FRMPD3: variants seen among roughly 807,000 people sequenced by gnomAD.
FRMPD3 encodes FERM and PDZ domain containing 3.
In FRMPD3, 42 loss-of-function variants were observed where a neutral mutation model predicts 97.9. The ratio of observed to expected loss-of-function variants is 0.43; its 90% CI spans 0.34 to 0.55. The LOEUF (loss-of-function observed/expected upper bound fraction) is 0.55, where lower values mean the gene tolerates loss of function less well. FRMPD3 is among the 20% of genes least tolerant of loss of function. FRMPD3 has a pLI of 0.03. For missense variants in FRMPD3, 1,303 were observed against 1,457.7 expected (o/e 0.89, Z 1.73); for synonymous variants, 577 against 581.1 (o/e 0.99, Z 0.10).
At position 107,604,099 on chromosome X, in the gene FRMPD3, A is replaced by G. The variant is rs948341261; in HGVS notation, c.*726A>G. ...GCAAGCATCTGGGATCACCCCACTC[A>G]TTTTGGGTAAGGTACCTGATGAAAA... On this transcript the variant is annotated 3_prime_UTR_variant, in exon 15 of 15. Coordinates refer to ENST00000683843, the MANE Select transcript of FRMPD3 (RefSeq NM_001388459.1). 6 of 108,373 alleles carry G rather than the reference A, an allele frequency of 5.5e-5. No homozygotes were observed. The highest frequency in any genetic ancestry group is 2.0e-4 in the African/African-American group (6 of 29,712). 8.9% of individuals were successfully genotyped at this position (108,373 alleles called of 1,213,427 possible).
intron 12 of FRMPD3, among the ~76,000 whole-genome samples, chrX:107,565,965 C>T: frequency 8.9e-6 from 1 of 112,272 alleles, no homozygotes; most frequent in Admixed American, 9.4e-5. Flanking sequence ...GTGAACAGAA[C>T]AGAGGGGGCC....
chrX:107,537,995 A>G (rs931700535), intron 4 of FRMPD3, among the ~76,000 whole-genome samples: 6 of 111,309 alleles, frequency 5.4e-5, no homozygotes, highest in Non-Finnish European at 7.5e-5. Flanking sequence ...TAATCAGAGG[A>G]TGAAGACGAT....
intron 14 of FRMPD3, among the ~76,000 whole-genome samples, chrX:107,598,600 A>G (rs752409921): frequency 1.8e-5 from 2 of 112,449 alleles, no homozygotes; most frequent in African/African-American, 6.5e-5. Flanking sequence ...TATCCTGCCT[A>G]AGAACATGGG....
Position 107,602,151 on chromosome X carries a change from C to G in FRMPD3, c.4112C>G (p.Ser1371Trp), listed in dbSNP as rs755437325. 1 of 1,209,400 alleles carries G rather than the reference C, an allele frequency of 8.3e-7. No individual in the cohort carries two copies. The highest frequency in any genetic ancestry group is 1.8e-5 in the South Asian group (1 of 56,731). Residue 1371 changes from serine to tryptophan, a missense_variant, in exon 15 of 15, where the codon TCG (serine) becomes TGG (tryptophan). This residue lies in a region of FRMPD3 where 764 missense variants were observed against 820.2 expected (regional missense o/e 0.93). Transcript: ENST00000683843. Reference protein sequence around the residue: ...ECRSDPESGVSCLTTCASGGE... With the variant: ...ECRSDPESGVWCLTTCASGGE... Reference sequence around the variant, plus strand: ...CGATCGGACCCTGAGAGTGGTGTTTCGTGCCTGACCACGTGTGCCTCGGGG... The same window carrying G: ...CGATCGGACCCTGAGAGTGGTGTTTGGTGCCTGACCACGTGTGCCTCGGGG...
chrX:107,598,138 T>G lies in FRMPD3; in HGVS notation c.2259T>G (p.Thr753=). 5.0e-6 allele frequency: 6 copies of G among 1,197,198 alleles called. No homozygotes were observed. Among genetic ancestry groups the G allele is most frequent in the Non-Finnish European group, 6.8e-6 (6 of 885,329 alleles). ...EDGPHPPPPQ[T]AGLIVLATIT... ...GACCACACCCACCACCCCCACAGAC[T>G]GCAGGTAATGACCGATTCCTTCTCC... is the stretch of plus-strand genomic sequence containing the variant. The change falls in exon 14 of 15, where the codon ACT becomes ACG. Residue 753 remains threonine, a synonymous_variant. Coordinates refer to ENST00000683843, the MANE Select transcript of FRMPD3 (RefSeq NM_001388459.1).
In FRMPD3 at chrX:107,449,983, G is replaced by A. The variant is rs1473301628; in HGVS notation, c.-30G>A. ...AGGAGGAGGAGGAGGAGGAAGAGGAGGAGGAAGAGGAGGGGGAGGAAGGTA... is the reference window on the plus strand; with the variant it reads ...AGGAGGAGGAGGAGGAGGAAGAGGAAGAGGAAGAGGAGGGGGAGGAAGGTA... On this transcript the variant is annotated 5_prime_UTR_variant, in exon 1 of 15. Transcript: ENST00000683843. 1.8e-5 allele frequency among the ~76,000 whole-genome samples: 2 copies of A among 110,988 alleles called. No homozygotes were observed. The highest frequency in any genetic ancestry group is 3.8e-5 in the Non-Finnish European group (2 of 52,511).
At chrX:107,477,890 G>T (rs1260147614) in intron 1 of FRMPD3, among the ~76,000 whole-genome samples, 1 of 111,300 alleles carries the variant, frequency 9.0e-6, no homozygotes, top group Non-Finnish European at 1.9e-5. Context: ...TATGGCCTCA[G>T]CCAGTTTTAT....
At chrX:107,526,766 C>T in intron 2 of FRMPD3, 30 bp downstream of exon 2, 1 of 1,141,384 alleles carries the variant, frequency 8.8e-7, no homozygotes, top group Non-Finnish European at 1.2e-6. Context: ...TTCCCCTAGC[C>T]CTGACTCCTG....
chrX:107,573,439 A>G (rs747343946), intron 12 of FRMPD3, among the ~76,000 whole-genome samples: 1 of 111,567 alleles, frequency 9.0e-6, no homozygotes, highest in South Asian at 3.8e-4. Context: ...CCTGCCCCCC[A>G]AGTTCATTTC....
chrX:107,526,452 A>G (rs1360516420), intron 1 of FRMPD3, 130 bp from the exon 2 acceptor site: 1 of 457,250 alleles, frequency 2.2e-6, no homozygotes, highest in Non-Finnish European at 3.5e-6. Context: ...TTGGCTCCAG[A>G]GGATGTAGGA....
chrX:107,461,816 C>CATATACGT, intron 1 of FRMPD3, among the ~76,000 whole-genome samples: 3 of 107,459 alleles, frequency 2.8e-5, no homozygotes, highest in East Asian at 5.8e-4. Flanking sequence ...TATACATATA[C>CATATACGT]GTGTGTGTGT....
chrX:107,449,914 G>A lies in FRMPD3; in HGVS notation c.-99G>A. Among the ~76,000 whole-genome samples the A allele has an allele frequency of 9.1e-6, 1 of 109,554 alleles. No individual in the cohort carries two copies. Among genetic ancestry groups the A allele is most frequent in the Middle Eastern group, 4.7e-3 (1 of 215 alleles). On this transcript the variant is annotated 5_prime_UTR_variant, in exon 1 of 15. Coordinates refer to ENST00000683843, the MANE Select transcript of FRMPD3 (RefSeq NM_001388459.1). ...TAGTCCCGCTGCCGCCGCCGCCGCC[G>A]CCGCCGCTGCGCCGCCGCTGCCGCG... is the stretch of plus-strand genomic sequence containing the variant.
chrX:107,493,981 C>G (rs1018966722), intron 1 of FRMPD3, among the ~76,000 whole-genome samples: 1 of 111,045 alleles, frequency 9.0e-6, no homozygotes, highest in Admixed American at 9.6e-5. Flanking sequence ...TGTCACCACA[C>G]ACCTTCTCAG....
At position 107,509,076 on chromosome X, in the gene FRMPD3, G is replaced by A. The variant is rs139208658; in HGVS notation, c.-7-17506G>A. 8.7e-3 allele frequency among the ~76,000 whole-genome samples: 970 copies of A among 111,424 alleles called. 14 individuals are homozygous for A. The highest frequency in any genetic ancestry group is 0.029 in the African/African-American group (884 of 30,611). ...AGTATTGCTGTGCTCATTGATATTC[G>A]CCCCGCTCCCCCCAGCTTGGCCTCT... On this transcript the variant is annotated intron_variant, in intron 1 of 14. Transcript: ENST00000683843.
chrX:107,601,949 A>T lies in FRMPD3; in HGVS notation c.3910A>T (p.Ile1304Phe), dbSNP rs749794361. 8.5e-7 allele frequency: 1 copy of T among 1,175,251 alleles called. No individual in the cohort carries two copies. The highest frequency in any genetic ancestry group is 2.5e-5 in the Admixed American group (1 of 40,811). Residue 1304 changes from isoleucine to phenylalanine, a missense_variant, in exon 15 of 15, where the codon ATC becomes TTC. Transcript: ENST00000683843. ...EQRRSCDCKR[I>F]CRGGRPQATQ... ...GAGGCGCAGCTGTGACTGCAAGCGCATCTGCCGGGGGGGCCGGCCACAAGC... is the reference window on the plus strand; with the variant it reads ...GAGGCGCAGCTGTGACTGCAAGCGCTTCTGCCGGGGGGGCCGGCCACAAGC...
intron 1 of FRMPD3, among the ~76,000 whole-genome samples, chrX:107,459,733 T>C (rs1426547114): frequency 8.9e-6 from 1 of 112,952 alleles, no homozygotes; most frequent in Non-Finnish European, 1.9e-5. Flanking sequence ...GGCTCCTAAC[T>C]GCCAAGGGAG....
intron 1 of FRMPD3, among the ~76,000 whole-genome samples, chrX:107,475,987 G>T (rs990311027): frequency 1.8e-5 from 2 of 112,210 alleles, no homozygotes; most frequent in African/African-American, 6.5e-5. Context: ...GGGTTCAAGC[G>T]ATTCTCCTGC....
At chrX:107,507,689 A>G (rs1922069963) in intron 1 of FRMPD3, among the ~76,000 whole-genome samples, 1 of 112,293 alleles carries the variant, frequency 8.9e-6, no homozygotes, top group Admixed American at 9.3e-5. Flanking sequence ...AAATGTTAGC[A>G]ATCGGGAATA....
chrX:107,543,586 T>A (rs1408089285), intron 4 of FRMPD3, among the ~76,000 whole-genome samples: 1 of 110,589 alleles, frequency 9.0e-6, no homozygotes, highest in Non-Finnish European at 1.9e-5. Context: ...GAGGCCGAAG[T>A]GGGTGGATCA....
Sources: allele counts gnomAD v4.1 joint callset (sites outside exome capture counted in the v4.1 genomes callset), GRCh38; gene constraint gnomAD v4.1.1; regional missense constraint gnomAD v4.1.1; transcripts MANE v1.5; gene names NCBI Gene and HGNC (gene_info 2026-07-23, HGNC 2026-07-21).